The following BUB1 variants were observed in gnomAD, a reference collection of about 807,000 sequenced individuals.
The protein encoded by BUB1 is mitotic checkpoint serine/threonine-protein kinase BUB1.
In BUB1, 84 loss-of-function variants were observed where a neutral mutation model predicts 135.2. That is an observed-to-expected ratio of 0.62 (90% CI 0.52 to 0.74). The LOEUF is 0.74. Ranked by LOEUF, BUB1 falls within the 30% of genes least tolerant of loss-of-function variation. BUB1 has a pLI of 0.00. For missense variants in BUB1, 1,162 were observed against 1,288.3 expected, an observed-to-expected ratio of 0.90 and a Z score of 1.50; for synonymous variants, 403 against 434.4, an observed-to-expected ratio of 0.93 and a Z score of 0.90.
At position 110,658,421 on chromosome 2, in the gene BUB1, G is replaced by T; in HGVS notation, c.1505C>A (p.Ala502Asp). The T allele has an allele frequency of 1.2e-6, 2 of 1,612,090 alleles. No individual in the cohort carries two copies. The highest frequency in any genetic ancestry group is 1.7e-6 in the Non-Finnish European group (2 of 1,178,646). ...TAAATAGTTATTACTTTGAAACTGG[G>T]CTTCAAATGCATCTTCATTTTGATC... ...SLDQNEDAFE[A>D]QFQKNVRSSG... Residue 502 changes from alanine (A) to aspartate (D), a missense_variant, in exon 13 of 25, where the codon GCC becomes GAC. Coordinates refer to ENST00000302759, the MANE Select transcript of BUB1 (RefSeq NM_004336.5).
intron 6 of BUB1, among the ~76,000 whole-genome samples, chr2:110,668,853 C>G (rs552344789): frequency 1.3e-5 from 2 of 152,226 alleles, no homozygotes; most frequent in African/African-American, 4.8e-5. Context: ...TTTGAAGTTC[C>G]TGAGAGAGAG....
chr2:110,641,942 G>T, intron 20 of BUB1, 139 bp from the exon 21 acceptor site: 1 of 1,131,540 alleles, frequency 8.8e-7, no homozygotes, highest in Non-Finnish European at 1.3e-6. Context: ...TGTGGGGCTT[G>T]CTCCAAGACA....
At chr2:110,665,461 G>T (rs1374929145) in intron 9 of BUB1, among the ~76,000 whole-genome samples, 1 of 151,750 alleles carries the variant, frequency 6.6e-6, no homozygotes, top group East Asian at 1.9e-4. Context: ...CATGCCTGTG[G>T]TTGCAGCTAC....
intron 19 of BUB1, among the ~76,000 whole-genome samples, chr2:110,645,228 G>A (rs1689610519): frequency 6.6e-6 from 1 of 152,110 alleles, no homozygotes; most frequent in Non-Finnish European, 1.5e-5. Context: ...GAGGTCAGGA[G>A]TTTGAGACCA....
chr2:110,645,003 CAAAG>C (rs922153711), intron 19 of BUB1, among the ~76,000 whole-genome samples: 15 of 151,962 alleles, frequency 9.9e-5, no homozygotes, highest in Admixed American at 7.2e-4. Context: ...GAATAGCAGA[CAAAG>C]AAAGAACAAG....
At chr2:110,657,182 A>C in intron 14 of BUB1, 65 bp from the exon 15 acceptor site, 8 of 1,400,890 alleles carry the variant, frequency 5.7e-6, no homozygotes, top group African/African-American at 1.4e-5. Context: ...CTATCACTTG[A>C]CCATTAGAAA....
rs1559163544 is a variant in BUB1, at chr2:110,642,018, T to C, written c.2463+101A>G. On this transcript the variant is annotated intron_variant, in intron 20 of 24. Coordinates refer to ENST00000302759, the MANE Select transcript of BUB1 (RefSeq NM_004336.5). ...GTTTTTTAATTGCCAACTGTAGATATAAATAAAAACACCACTATCTTAAAG... is the reference window on the plus strand; with the variant it reads ...GTTTTTTAATTGCCAACTGTAGATACAAATAAAAACACCACTATCTTAAAG... 5 of 1,012,858 alleles carry C rather than the reference T, an allele frequency of 4.9e-6. No individual in the cohort carries two copies. The East Asian group carries it at 7.9e-5, about 16-fold the overall frequency. 62.7% of individuals were successfully genotyped at this position (1,012,858 alleles called of 1,614,324 possible). A position where few individuals can be genotyped will look rare whatever the true frequency, so the allele number is the denominator to read the frequency against.
chr2:110,666,831 G>C (rs1305799398), intron 8 of BUB1, among the ~76,000 whole-genome samples: 1 of 152,142 alleles, frequency 6.6e-6, no homozygotes, highest in Non-Finnish European at 1.5e-5. Context: ...TAAATGATCA[G>C]GGCTTCAAGC....
intron 6 of BUB1, 39 bp downstream of exon 6, chr2:110,669,414 A>G: frequency 7.0e-7 from 1 of 1,420,312 alleles, no homozygotes; most frequent in Non-Finnish European, 1.0e-6. Context: ...ATTCAATACC[A>G]TTCCCAGTTT....
intron 24 of BUB1, among the ~76,000 whole-genome samples, chr2:110,639,148 T>G (rs1409820980): frequency 6.6e-6 from 1 of 152,092 alleles, no homozygotes; most frequent in Non-Finnish European, 1.5e-5. Flanking sequence ...TCCAACAGTT[T>G]GTTCACACAT....
chr2:110,665,567 ATGTTTG>A (rs1338474058), intron 9 of BUB1, among the ~76,000 whole-genome samples: 1 of 143,880 alleles, frequency 7.0e-6, no homozygotes, highest in Non-Finnish European at 1.5e-5. Context: ...AAGAAAAAGA[ATGTTTG>A]TGTGTGTGTG....
rs759821736 is a variant in BUB1, at chr2:110,650,744, G to C, written c.2005C>G (p.His669Asp). 17 of 1,614,012 alleles carry C rather than the reference G, an allele frequency of 1.1e-5. No individual in the cohort carries two copies. Among genetic ancestry groups the C allele is most frequent in the South Asian group, 3.3e-5 (3 of 91,076 alleles). ...CGAAGTAAGGATGCTGAATACATGT[G>C]AGACGACAAGGCCTGTTTTGGGCTT... ...EKSPKQALSSHMYSASLLRLS... is the reference protein window; with the variant it reads ...EKSPKQALSSDMYSASLLRLS... Residue 669 changes from histidine to aspartate, a missense_variant, in exon 18 of 25, where the codon CAC (histidine) becomes GAC (aspartate). Physicochemically the swap from His to Asp is moderately conservative, Grantham distance 81 (BLOSUM62 -1). Coordinates refer to ENST00000302759, the MANE Select transcript of BUB1 (RefSeq NM_004336.5).
intron 10 of BUB1, 61 bp downstream of exon 10, chr2:110,661,521 G>A (rs1690082108): frequency 1.9e-6 from 3 of 1,558,580 alleles, no homozygotes; most frequent in Non-Finnish European, 2.6e-6. Context: ...TGCAGGTCAT[G>A]TAAAGAAGGT....
Position 110,672,770 on chromosome 2 carries a change from A to C in BUB1, c.313T>G (p.Trp105Gly). ...CCTTGGGCTTCCAGATGCCCCGCCC[A>C]GGCAATGTACAGAGGGGATGACAGG... ...GTLSSPLYIA[W>G]AGHLEAQGEL... The change falls in exon 4 of 25, where the codon TGG becomes GGG. Residue 105 changes from tryptophan to glycine, a missense_variant. Physicochemically the swap from Trp to Gly is radical, Grantham distance 184. Coordinates refer to ENST00000302759, the MANE Select transcript of BUB1 (RefSeq NM_004336.5). 6.2e-7 allele frequency: 1 copy of C among 1,614,156 alleles called. No homozygotes were observed. Among genetic ancestry groups the C allele is most frequent in the Admixed American group, 1.7e-5 (1 of 60,002 alleles).
At chr2:110,676,818 C>T (rs1408650344) in intron 1 of BUB1, among the ~76,000 whole-genome samples, 1 of 151,344 alleles carries the variant, frequency 6.6e-6, no homozygotes, top group Non-Finnish European at 1.5e-5. Context: ...ACTAGAAAAA[C>T]GGTTACATGT....
intron 16 of BUB1, 28 bp from the exon 17 acceptor site, chr2:110,653,551 A>G: frequency 6.3e-7 from 1 of 1,579,966 alleles, no homozygotes; most frequent in Non-Finnish European, 8.7e-7. Flanking sequence ...TAGAGACAAG[A>G]TATGTTAGAT....
At chr2:110,656,994 G>T in intron 15 of BUB1, 42 bp downstream of exon 15, 4 of 1,448,386 alleles carry the variant, frequency 2.8e-6, no homozygotes, top group Non-Finnish European at 3.8e-6. Context: ...TAAAGCGGAT[G>T]GGTTGTAGGA....
chr2:110,675,840 G>A (rs1282570999), intron 1 of BUB1, among the ~76,000 whole-genome samples: 2 of 152,022 alleles, frequency 1.3e-5, no homozygotes, highest in Non-Finnish European at 2.9e-5. Context: ...TTGCCGAGAT[G>A]AGGTATCACT....
Position 110,639,861 on chromosome 2 carries a change from T to C in BUB1, c.2956-13A>G, listed in dbSNP as rs755314258. 1.1e-5 allele frequency: 18 copies of C among 1,589,816 alleles called. No individual in the cohort carries two copies. The highest frequency in any genetic ancestry group is 1.5e-5 in the Non-Finnish European group (17 of 1,158,016). On this transcript the variant is annotated splice_polypyrimidine_tract_variant and intron_variant, in intron 23 of 24. Coordinates refer to ENST00000302759, the MANE Select transcript of BUB1 (RefSeq NM_004336.5). ...CAAAGTAATCGATCTATGAAGAAGA[T>C]AGAGGTATATATGACTTAAATAGTA... is the stretch of plus-strand genomic sequence containing the variant.
Sources: allele counts gnomAD v4.1 joint callset (sites outside exome capture counted in the v4.1 genomes callset), GRCh38; gene constraint gnomAD v4.1.1; transcripts MANE v1.5; gene names NCBI Gene and HGNC (gene_info 2026-07-23, HGNC 2026-07-21).